The following NCALD variants were observed in gnomAD, a reference collection of about 807,000 sequenced individuals.
NCALD encodes neurocalcin-delta.
NCALD carries 10 observed loss-of-function variants against 18.6 expected under a neutral mutation model. That is an observed-to-expected ratio of 0.54 (90% CI 0.33 to 0.91). The LOEUF is 0.91. NCALD is among the 40% of genes least tolerant of loss of function. NCALD has a pLI of 0.03. For synonymous variants in NCALD, 88 were observed against 87.4 expected (o/e 1.01, Z -0.04); for missense variants, 184 against 247.6 (o/e 0.74, Z 1.72).
chr8:102,084,763 A>G (rs529731401), intron 1 of NCALD, among the ~76,000 whole-genome samples: 4 of 152,334 alleles, frequency 2.6e-5, no homozygotes, highest in African/African-American at 9.6e-5. Context: ...AGATCTTATC[A>G]GGAAGCAGCT....
chr8:101,829,749 T>A (rs979206754), intron 4 of NCALD, among the ~76,000 whole-genome samples: 1 of 152,184 alleles, frequency 6.6e-6, no homozygotes, highest in Admixed American at 6.5e-5. Context: ...AACTGAAACA[T>A]TGACAAGTAT....
At chr8:101,889,718 G>T (rs1816803223) in intron 3 of NCALD, among the ~76,000 whole-genome samples, 1 of 152,184 alleles carries the variant, frequency 6.6e-6, no homozygotes, top group South Asian at 2.1e-4. Flanking sequence ...ACCTAAGGAA[G>T]AATTAGCCAG....
At chr8:101,699,548 T>C (rs1815161002) in intron 2 of NCALD, among the ~76,000 whole-genome samples, 1 of 152,194 alleles carries the variant, frequency 6.6e-6, no homozygotes, top group African/African-American at 2.4e-5. Context: ...AAAGAAAATA[T>C]GGCACATATA....
Position 102,071,818 on chromosome 8 carries a change from A to G in NCALD, c.-209-51529T>C, listed in dbSNP as rs185171161. Among the ~76,000 whole-genome samples the G allele has an allele frequency of 7.7e-4, 117 of 152,346 alleles. 1 individual carries two copies. Among genetic ancestry groups the G allele is most frequent in the Non-Finnish European group, 1.4e-3 (96 of 68,032 alleles). ...GATATGCAAGACCCCTACATTGAAA[A>G]CATTGCTGAGATAATGAAAGAAGAC... On this transcript the variant is annotated intron_variant, in intron 1 of 6. Transcript: ENST00000311028.
At chr8:101,825,376 A>G (rs555493198) in intron 4 of NCALD, among the ~76,000 whole-genome samples, 7 of 152,334 alleles carry the variant, frequency 4.6e-5, no homozygotes, top group African/African-American at 1.7e-4. Flanking sequence ...GGACTTGTGG[A>G]GAATGTGTGA....
chr8:101,730,479 C>CAAAAAAAA (rs869241027), intron 1 of NCALD, among the ~76,000 whole-genome samples: 9 of 43,658 alleles, frequency 2.1e-4, no homozygotes, highest in Admixed American at 3.0e-4. Context: ...GACTCCATCT[C>CAAAAAAAA]AAAAAAAAAA....
At chr8:101,792,331 C>CA (rs1812476672), upstream of NCALD, among the ~76,000 whole-genome samples, 1 of 152,126 alleles carries the variant, frequency 6.6e-6, no homozygotes, top group South Asian at 2.1e-4. Context: ...GACTAATGTT[C>CA]AAATCACTTG....
At chr8:102,098,940 T>A (rs922092029) in intron 1 of NCALD, among the ~76,000 whole-genome samples, 2 of 152,186 alleles carry the variant, frequency 1.3e-5, no homozygotes, top group Admixed American at 1.3e-4. Context: ...CTATAGAAGT[T>A]TTTTTCCTTT....
intron 2 of NCALD, among the ~76,000 whole-genome samples, chr8:101,981,762 T>C (rs1332422538): frequency 6.9e-6 from 1 of 144,374 alleles, no homozygotes; most frequent in African/African-American, 2.8e-5. Flanking sequence ...CATTTCTTTT[T>C]CTAAACAGTC....
rs577554749 is a variant in NCALD at position 102,005,866 on chromosome 8, T to C, written c.-157+14371A>G. Among the ~76,000 whole-genome samples, 439 of 63,302 alleles carry C rather than the reference T, an allele frequency of 6.9e-3. 1 individual carries two copies. The highest frequency in any genetic ancestry group is 0.039 in the Middle Eastern group (3 of 76). 41.5% of individuals were successfully genotyped at this position (63,302 alleles called of 152,430 possible). ...ACACAGGAAGGGGAACATCACACAC[T>C]GGGGCCTGTTGTGGGGTGGGGGGGC... On this transcript the variant is annotated intron_variant, in intron 2 of 6. Transcript: ENST00000311028.
At chr8:101,693,053 G>T (rs1361175075) in intron 2 of NCALD, 157 bp from the exon 3 acceptor site, 1 of 547,656 alleles carries the variant, frequency 1.8e-6, no homozygotes, top group East Asian at 3.3e-5. Flanking sequence ...GGAGGCACAG[G>T]TAGAAGAAGC....
At chr8:101,812,444 C>G (rs926326054) in intron 4 of NCALD, among the ~76,000 whole-genome samples, 15 of 152,206 alleles carry the variant, frequency 9.9e-5, no homozygotes, top group African/African-American at 3.6e-4. Flanking sequence ...CAGTCTGGAT[C>G]CACTTTGTGT....
intron 4 of NCALD, among the ~76,000 whole-genome samples, chr8:101,804,115 A>G (rs929755303): frequency 1.3e-5 from 2 of 152,094 alleles, no homozygotes; most frequent in African/African-American, 4.8e-5. Flanking sequence ...CTGAAGGCTC[A>G]GACGATCATT....
At chr8:101,809,057 T>A (rs1485138066) in intron 4 of NCALD, among the ~76,000 whole-genome samples, 1 of 152,196 alleles carries the variant, frequency 6.6e-6, no homozygotes, top group Non-Finnish European at 1.5e-5. Flanking sequence ...AGCTGTGGAA[T>A]GTTATAAAAT....
At chr8:101,995,598 G>T (rs780761911) in intron 2 of NCALD, among the ~76,000 whole-genome samples, 1 of 151,998 alleles carries the variant, frequency 6.6e-6, no homozygotes, top group East Asian at 1.9e-4. Context: ...GATCTCCTGC[G>T]AACTCAGAGC....
intron 2 of NCALD, among the ~76,000 whole-genome samples, chr8:101,944,837 C>T (rs921449312): frequency 6.6e-6 from 1 of 152,228 alleles, no homozygotes; most frequent in African/African-American, 2.4e-5. Flanking sequence ...CAGCTTCTCA[C>T]TATTGCTAGT....
chr8:101,965,642 A>T (rs558279853), intron 2 of NCALD, among the ~76,000 whole-genome samples: 1 of 152,258 alleles, frequency 6.6e-6, no homozygotes, highest in South Asian at 2.1e-4. Flanking sequence ...GAGGGATAGC[A>T]TTAGGAGAAA....
chr8:101,778,687 G>T (rs1195158336), intron 1 of NCALD, among the ~76,000 whole-genome samples: 3 of 152,058 alleles, frequency 2.0e-5, no homozygotes, highest in African/African-American at 7.2e-5. Context: ...TGGGAAAAAA[G>T]TTAAGACCAT....
At chr8:101,994,765 A>T (rs1165343649) in intron 2 of NCALD, among the ~76,000 whole-genome samples, 2 of 152,270 alleles carry the variant, frequency 1.3e-5, no homozygotes, top group Admixed American at 6.5e-5. Flanking sequence ...ATAGAGTAGT[A>T]GCTACTTCAG....
Sources: gnomAD v4.1 joint callset for allele counts (sites outside exome capture counted in the v4.1 genomes callset) on GRCh38, gnomAD v4.1.1 for gene constraint, MANE v1.5 for transcripts, NCBI Gene and HGNC (gene_info 2026-07-23, HGNC 2026-07-21) for gene names.